DLEU7: variants seen among roughly 807,000 people sequenced by gnomAD.
The protein encoded by DLEU7 is leukemia-associated protein 7.
DLEU7 carries 17 observed loss-of-function variants against 16.0 expected under a neutral mutation model. The ratio of observed to expected loss-of-function variants is 1.06; its 90% CI spans 0.73 to 1.59. DLEU7 has a LOEUF of 1.59. DLEU7 is among the 40% of genes most tolerant of loss of function. DLEU7 has a pLI of 0.00. For missense variants in DLEU7, 308 were observed against 314.9 expected (o/e 0.98, Z 0.17); for synonymous variants, 113 against 139.8 (o/e 0.81, Z 1.35).
chr13:50,791,089 G>A (rs1404686796), intron 1 of DLEU7, among the ~76,000 whole-genome samples: 2 of 152,114 alleles, frequency 1.3e-5, no homozygotes, highest in African/African-American at 4.8e-5. Context: ...TGGCCCTGGG[G>A]TTCCAGTGCC....
At chr13:50,827,006 A>G (rs1043289625) in intron 1 of DLEU7, among the ~76,000 whole-genome samples, 13 of 152,244 alleles carry the variant, frequency 8.5e-5, no homozygotes, top group African/African-American at 2.7e-4. Context: ...ATTTCTGAAG[A>G]CATAATTCTG....
chr13:50,788,171 C>T (rs1875848629), intron 1 of DLEU7, among the ~76,000 whole-genome samples: 1 of 152,130 alleles, frequency 6.6e-6, no homozygotes, highest in African/African-American at 2.4e-5. Flanking sequence ...AGGCTCTGTC[C>T]CCAGCCTTGT....
intron 1 of DLEU7, among the ~76,000 whole-genome samples, chr13:50,797,183 C>T (rs758458688): frequency 2.5e-4 from 38 of 151,982 alleles, no homozygotes; most frequent in Admixed American, 1.3e-3. Context: ...AGGTCTAGAA[C>T]CTGGATTCAA....
At chr13:50,788,485 C>A (rs1036590238) in intron 1 of DLEU7, among the ~76,000 whole-genome samples, 1 of 152,180 alleles carries the variant, frequency 6.6e-6, no homozygotes, top group Non-Finnish European at 1.5e-5. Context: ...GCAGAAAGAA[C>A]CTCATTGTCG....
intron 1 of DLEU7, among the ~76,000 whole-genome samples, chr13:50,727,123 A>G (rs1047847675): frequency 6.6e-6 from 1 of 152,216 alleles, no homozygotes; most frequent in African/African-American, 2.4e-5. Flanking sequence ...GCTAAAAACT[A>G]TAATTCTACG....
chr13:50,823,235 G>A lies in DLEU7; in HGVS notation c.*79C>T. The A allele has an allele frequency of 6.6e-7, 1 of 1,516,360 alleles. No homozygotes were observed. Among genetic ancestry groups the A allele is most frequent in the Non-Finnish European group, 8.8e-7 (1 of 1,132,834 alleles). The allele number at this position is 1,516,360 out of a possible 1,614,324, so 93.9% of individuals were successfully genotyped here. A position where few individuals can be genotyped will look rare whatever the true frequency, so the allele number is the denominator to read the frequency against. ...TTGGATATAAAAATATCCATTGTCT[G>A]CTGACTCAATTAGGAAGGTAAGGTA... is the stretch of plus-strand genomic sequence containing the variant. On this transcript the variant is annotated 3_prime_UTR_variant, in exon 2 of 2. Transcript: ENST00000504404.
intron 1 of DLEU7, among the ~76,000 whole-genome samples, chr13:50,795,432 A>G (rs1158435583): frequency 6.6e-6 from 1 of 152,216 alleles, no homozygotes; most frequent in Non-Finnish European, 1.5e-5. Flanking sequence ...GTAGAAATGT[A>G]GCCCCTGACC....
At chr13:50,735,246 G>A (rs1183448371) in intron 1 of DLEU7, among the ~76,000 whole-genome samples, 1 of 152,114 alleles carries the variant, frequency 6.6e-6, no homozygotes, top group African/African-American at 2.4e-5. Context: ...AGAGCAGTTA[G>A]ACAAGAATTC....
chr13:50,790,178 C>T (rs917984955), intron 1 of DLEU7, among the ~76,000 whole-genome samples: 2 of 152,078 alleles, frequency 1.3e-5, no homozygotes, highest in African/African-American at 4.8e-5. Context: ...AGTGATCCAC[C>T]CTCCTCGGCC....
At chr13:50,784,011 C>T (rs1875731002) in intron 1 of DLEU7, among the ~76,000 whole-genome samples, 1 of 152,218 alleles carries the variant, frequency 6.6e-6, no homozygotes, top group African/African-American at 2.4e-5. Context: ...AAGCCGTAAG[C>T]TCTAGCTTCA....
chr13:50,831,289 A>T (rs1200204093), intron 1 of DLEU7, among the ~76,000 whole-genome samples: 2 of 152,176 alleles, frequency 1.3e-5, no homozygotes, highest in Non-Finnish European at 2.9e-5. Context: ...CAACAACAAA[A>T]GTGGAGGCCA....
At chr13:50,766,416 G>A (rs979227401) in intron 1 of DLEU7, among the ~76,000 whole-genome samples, 1 of 152,166 alleles carries the variant, frequency 6.6e-6, no homozygotes, top group African/African-American at 2.4e-5. Context: ...CTCCTAGTAT[G>A]TCTGCTTTGA....
In DLEU7 at chr13:50,823,458, A is replaced by G; in HGVS notation, c.522T>C (p.Phe174=). Residue 174 remains phenylalanine (F), a synonymous_variant, in exon 2 of 2, where the codon TTT becomes TTC. Coordinates refer to ENST00000504404, the MANE Select transcript of DLEU7 (RefSeq NM_001306135.2). The part of the protein sequence containing the change: ...HLALQIEGQQ[F]DRDLNAAHQC... Reference sequence around the variant, plus strand: ...GGTGGGCAGCATTCAAGTCTCTGTCAAACTGCTGTCCTTCAATCTGTAGAG... The same window carrying G: ...GGTGGGCAGCATTCAAGTCTCTGTCGAACTGCTGTCCTTCAATCTGTAGAG... 6.5e-7 allele frequency: 1 copy of G among 1,535,966 alleles called. No homozygotes were observed. Among genetic ancestry groups the G allele is most frequent in the Non-Finnish European group, 8.7e-7 (1 of 1,146,762 alleles).
chr13:50,713,029 G>C, exon 2 of DLEU7: 1 of 602,632 alleles, frequency 1.7e-6, no homozygotes, highest in Non-Finnish European at 2.9e-6. Flanking sequence ...CCAATCGGAG[G>C]TAATAAGAAG....
chr13:50,758,821 A>C (rs145125638), intron 1 of DLEU7, among the ~76,000 whole-genome samples: 1 of 152,358 alleles, frequency 6.6e-6, no homozygotes, highest in Non-Finnish European at 1.5e-5. Context: ...TAGTCTTTTT[A>C]TGACTAAATC....
At chr13:50,814,713 G>GAATACATGTA (rs1159019768) in intron 1 of DLEU7, among the ~76,000 whole-genome samples, 1 of 145,994 alleles carries the variant, frequency 6.8e-6, no homozygotes, top group African/African-American at 2.5e-5. Flanking sequence ...ACACTCGCAT[G>GAATACATGTA]AAAACTGATG....
downstream of DLEU7, among the ~76,000 whole-genome samples, chr13:50,819,241 T>C (rs1876824359): frequency 6.6e-6 from 1 of 152,052 alleles, no homozygotes; most frequent in East Asian, 1.9e-4. Flanking sequence ...TGAGAAACGT[T>C]GTTCTGGCAG....
rs184393675 is a variant in DLEU7, at chr13:50,829,192, G to A, written c.460-5672C>T. 2.0e-4 allele frequency among the ~76,000 whole-genome samples: 31 copies of A among 152,320 alleles called. No homozygotes were observed. The East Asian group carries it at 4.2e-3, about 21-fold the overall frequency. ...AGCCAAAAAATTGGACATCCCTGCT[G>A]TAGATGACCTGTCCCATAGCTTATG... On this transcript the variant is annotated intron_variant, in intron 1 of 1. Transcript: ENST00000504404.
At chr13:50,840,309 T>C (rs865984515) in intron 1 of DLEU7, among the ~76,000 whole-genome samples, 32 of 152,244 alleles carry the variant, frequency 2.1e-4, no homozygotes, top group Non-Finnish European at 3.8e-4. Context: ...TAAGTCTGCA[T>C]AACCAGCCCC....
Sources: gnomAD v4.1 joint callset for allele counts (sites outside exome capture counted in the v4.1 genomes callset) on GRCh38, gnomAD v4.1.1 for gene constraint, MANE v1.5 for transcripts, NCBI Gene and HGNC (gene_info 2026-07-23, HGNC 2026-07-21) for gene names.